ZNF100: variants seen among roughly 807,000 people sequenced by gnomAD.
ZNF100 encodes the protein zinc finger protein 100, also known as zinc finger protein 100 (Y1).
A neutral mutation model predicts 15.8 loss-of-function variants in ZNF100; 12 were observed. That is an observed-to-expected ratio of 0.76 (90% confidence interval 0.49 to 1.23). The LOEUF (loss-of-function observed/expected upper bound fraction) is 1.23. ZNF100 is among the 50% of genes most tolerant of loss of function. The pLI is 0.00. For missense variants in ZNF100, 670 were observed against 635.6 expected, an observed-to-expected ratio of 1.05 and a Z score of -0.58; for synonymous variants, 226 against 214.8, an observed-to-expected ratio of 1.05 and a Z score of -0.45.
Position 21,725,434 on chromosome 19 carries a change from GCA to G in ZNF100, c.*1247_*1248del, listed in dbSNP as rs1178196643. 1 of 151,826 alleles carries G rather than the reference GCA, an allele frequency of 6.6e-6. No individual in the cohort carries two copies. Among genetic ancestry groups the G allele is most frequent in the Non-Finnish European group, 1.5e-5 (1 of 67,960 alleles). The allele number at this position is 151,826 out of a possible 1,614,324, so 9.4% of individuals were successfully genotyped here. A position where few individuals can be genotyped will look rare whatever the true frequency, so the allele number is the denominator to read the frequency against. On this transcript the variant is annotated 3_prime_UTR_variant, in exon 5 of 5. Coordinates refer to ENST00000358296, the MANE Select transcript of ZNF100 (RefSeq NM_173531.4). ...CAGAATATTACTCTGAATGCCTAAC[GCA>G]CACATTGCTTAATATTATAAGTTAA...
At chr19:21,734,814 C>T (rs1460279656) in intron 4 of ZNF100, among the ~76,000 whole-genome samples, 9 of 152,090 alleles carry the variant, frequency 5.9e-5, no homozygotes, top group African/African-American at 2.2e-4. Flanking sequence ...AACCGGAAGG[C>T]CAGGTCACCC....
At chr19:21,749,318 T>C (rs549861559) in intron 2 of ZNF100, among the ~76,000 whole-genome samples, 2 of 151,758 alleles carry the variant, frequency 1.3e-5, no homozygotes, top group South Asian at 4.2e-4. Context: ...GAATGACTCA[T>C]TTCTCTTACA....
intron 4 of ZNF100, among the ~76,000 whole-genome samples, chr19:21,729,012 CAACA>C (rs747615824): frequency 7.4e-4 from 111 of 150,702 alleles, no homozygotes; most frequent in Middle Eastern, 3.4e-3. Context: ...TGAAGAAGCT[CAACA>C]AACAAACTAG....
At position 21,748,831 on chromosome 19, in the gene ZNF100, A is replaced by G. The variant is rs143145056; in HGVS notation, c.97-3764T>C. Among the ~76,000 whole-genome samples the G allele has an allele frequency of 6.4e-3, 969 of 152,248 alleles. 11 individuals carry two copies. The highest frequency in any genetic ancestry group is 0.022 in the African/African-American group (914 of 41,536). ...GTGATTCTCCTGCCTCAGCCTCCCA[A>G]GTAGCTGGAATTACAGGCATGCACC... On this transcript the variant is annotated intron_variant, in intron 2 of 4. Coordinates refer to ENST00000358296, the MANE Select transcript of ZNF100 (RefSeq NM_173531.4).
chr19:21,760,698 G>C (rs1230319669), intron 2 of ZNF100, among the ~76,000 whole-genome samples: 3 of 149,746 alleles, frequency 2.0e-5, no homozygotes, highest in Non-Finnish European at 4.4e-5. Context: ...GTTCTTAAAT[G>C]CAAGTTTCTG....
At chr19:21,742,857 C>T (rs2036141968) in intron 4 of ZNF100, among the ~76,000 whole-genome samples, 1 of 152,054 alleles carries the variant, frequency 6.6e-6, no homozygotes, top group Non-Finnish European at 1.5e-5. Flanking sequence ...AGAAAACAAT[C>T]TTATTTACAA....
intron 2 of ZNF100, among the ~76,000 whole-genome samples, chr19:21,755,302 C>T (rs1006270048): frequency 9.2e-5 from 13 of 140,610 alleles, no homozygotes; most frequent in East Asian, 4.2e-4. Context: ...AGTGAAAGTC[C>T]GTCTCAAGAA....
chr19:21,761,925 T>C (rs2036489678), intron 2 of ZNF100, among the ~76,000 whole-genome samples: 1 of 152,210 alleles, frequency 6.6e-6, no homozygotes, highest in South Asian at 2.1e-4. Flanking sequence ...ATCTGAAAGA[T>C]ATTTTTAAAA....
intron 2 of ZNF100, among the ~76,000 whole-genome samples, 195 bp from the exon 3 acceptor site, chr19:21,745,262 A>C (rs1336369820): frequency 6.6e-6 from 1 of 152,254 alleles, no homozygotes; most frequent in Non-Finnish European, 1.5e-5. Context: ...AGAATGGCAT[A>C]AGATCCACAA....
chr19:21,738,174 C>A (rs768927743), intron 4 of ZNF100, among the ~76,000 whole-genome samples: 1 of 130,040 alleles, frequency 7.7e-6, no homozygotes, highest in African/African-American at 2.9e-5. Context: ...CTGCTTGAAC[C>A]CAGGAGGTGG....
intron 2 of ZNF100, among the ~76,000 whole-genome samples, chr19:21,764,059 G>T (rs1034890719): frequency 1.3e-5 from 2 of 152,082 alleles, no homozygotes; most frequent in Non-Finnish European, 2.9e-5. Context: ...AGCTTTCCAG[G>T]ACTCTGTAGC....
intron 3 of ZNF100, 60 bp from the exon 4 acceptor site, chr19:21,744,175 T>TA: frequency 7.1e-7 from 1 of 1,405,168 alleles, no homozygotes; most frequent in Non-Finnish European, 9.5e-7. Flanking sequence ...AACCTAGTAC[T>TA]ATGCTTAGTA....
intron 2 of ZNF100, among the ~76,000 whole-genome samples, chr19:21,758,154 G>A (rs1241708477): frequency 2.0e-5 from 3 of 151,824 alleles, no homozygotes; most frequent in Non-Finnish European, 2.9e-5. Context: ...CACGGATGGC[G>A]CTGGAGACCA....
At position 21,726,572 on chromosome 19, in the gene ZNF100, A is replaced by T. The variant is rs1460881432; in HGVS notation, c.*111T>A. ...TATCTTATGTCTGTTAGGAATTGAG[A>T]ATTTATTAAAGGCTTTGCCATATTC... On this transcript the variant is annotated 3_prime_UTR_variant, in exon 5 of 5. Coordinates refer to ENST00000358296, the MANE Select transcript of ZNF100 (RefSeq NM_173531.4). 1.1e-5 allele frequency: 11 copies of T among 976,766 alleles called. No homozygotes were observed. The highest frequency in any genetic ancestry group is 2.8e-5 in the Admixed American group (1 of 36,172). 60.5% of individuals were successfully genotyped at this position (976,766 alleles called of 1,614,324 possible).
At chr19:21,751,933 G>T in intron 2 of ZNF100, 1 of 507,232 alleles carries the variant, frequency 2.0e-6, no homozygotes, top group East Asian at 3.0e-5. Flanking sequence ...GAGAAATGAG[G>T]GGTTATAATG....
chr19:21,725,078 T>C lies in ZNF100; in HGVS notation c.*1605A>G, dbSNP rs2035752564. On this transcript the variant is annotated 3_prime_UTR_variant, in exon 5 of 5. Coordinates refer to ENST00000358296, the MANE Select transcript of ZNF100 (RefSeq NM_173531.4). ...AAATAAAATAAAATAAAAACAAAAATTTAACCTACAGAAATAATATTCTTT... is the reference window on the plus strand; with the variant it reads ...AAATAAAATAAAATAAAAACAAAAACTTAACCTACAGAAATAATATTCTTT... 1 of 151,992 alleles carries C rather than the reference T, an allele frequency of 6.6e-6. No homozygotes were observed. Among genetic ancestry groups the C allele is most frequent in the Non-Finnish European group, 1.5e-5 (1 of 67,982 alleles). 9.4% of individuals were successfully genotyped at this position (151,992 alleles called of 1,614,324 possible).
At chr19:21,751,109 C>A in intron 2 of ZNF100, 2 of 1,432,792 alleles carry the variant, frequency 1.4e-6, no homozygotes, top group East Asian at 2.3e-5. Flanking sequence ...AGGGCAAGCA[C>A]AAGTTTCCTG....
intron 4 of ZNF100, among the ~76,000 whole-genome samples, chr19:21,733,313 A>ATTT (rs778496763): frequency 0.082 from 12,434 of 152,188 alleles, 638 homozygotes; most frequent in South Asian, 0.18. Flanking sequence ...ATTAATAACA[A>ATTT]ATTGGAAAAT....
chr19:21,727,765 C>T lies in ZNF100; in HGVS notation c.547G>A (p.Ala183Thr). Residue 183 changes from alanine (A) to threonine (T), a missense_variant, in exon 5 of 5, where the codon GCA becomes ACA. Ala to Thr is a moderately conservative substitution (Grantham distance 58). Transcript: ENST00000358296. ...QSNIFQCDPSAKVFHTFSNSN... is the reference protein window; with the variant it reads ...QSNIFQCDPSTKVFHTFSNSN... ...TTTGAAAATGTATGAAAGACTTTTG[C>T]AGATGGATCACATTGAAATATGTTG... 6.2e-7 allele frequency: 1 copy of T among 1,613,826 alleles called. No individual in the cohort carries two copies. Among genetic ancestry groups the T allele is most frequent in the Non-Finnish European group, 8.5e-7 (1 of 1,179,864 alleles).
Sources: gnomAD v4.1 joint callset for allele counts (sites outside exome capture counted in the v4.1 genomes callset) on GRCh38, gnomAD v4.1.1 for gene constraint, MANE v1.5 for transcripts, NCBI Gene and HGNC (gene_info 2026-07-23, HGNC 2026-07-21) for gene names.